Variants in NARS2 observed in about 807,000 individuals in gnomAD.
The protein encoded by NARS2 is asparaginyl-tRNA synthetase 2, mitochondrial, also known as asparaginyl-tRNA synthetase.
In NARS2, 60 loss-of-function variants were observed where a neutral mutation model predicts 62.9. That is an observed-to-expected ratio of 0.95 (90% CI 0.77 to 1.18). The LOEUF is 1.18. NARS2 is among the 50% of genes most tolerant of loss of function. The probability of loss-of-function intolerance (pLI) is 0.00; values close to 1 mark genes in which losing one functional copy is unlikely to be tolerated. For missense variants in NARS2, 619 were observed against 576.4 expected, an observed-to-expected ratio of 1.07 and a Z score of -0.76; for synonymous variants, 196 against 200.0, an observed-to-expected ratio of 0.98 and a Z score of 0.17.
chr11:78,510,468 T>C (rs1032543238), intron 6 of NARS2, among the ~76,000 whole-genome samples: 1 of 151,788 alleles, frequency 6.6e-6, no homozygotes, highest in South Asian at 2.1e-4. Flanking sequence ...CCATCAAATA[T>C]AAAGCAAAAA....
intron 9 of NARS2, among the ~76,000 whole-genome samples, chr11:78,475,522 A>G (rs1294560642): frequency 6.6e-6 from 1 of 151,438 alleles, no homozygotes; most frequent in Non-Finnish European, 1.5e-5. Context: ...CATTGCCACT[A>G]ACAGTTATAA....
intron 6 of NARS2, among the ~76,000 whole-genome samples, chr11:78,498,279 G>C (rs551682689): frequency 6.6e-6 from 1 of 152,170 alleles, no homozygotes; most frequent in South Asian, 2.1e-4. Context: ...AAATACCCTC[G>C]CCTCTTGAAA....
chr11:78,464,145 C>T (rs1368790685), intron 11 of NARS2, among the ~76,000 whole-genome samples: 2 of 151,940 alleles, frequency 1.3e-5, no homozygotes, highest in Admixed American at 1.3e-4. Context: ...CAGACCTTCG[C>T]GGTGAGTGTT....
At chr11:78,440,736 C>T (rs1462909215) in intron 13 of NARS2, among the ~76,000 whole-genome samples, 1 of 151,018 alleles carries the variant, frequency 6.6e-6, no homozygotes, top group Non-Finnish European at 1.5e-5. Flanking sequence ...TTTCACCATG[C>T]TGGCCAGGCT....
intron 10 of NARS2, among the ~76,000 whole-genome samples, chr11:78,468,310 G>GAAAAAAAAAAAAAAAAAAAAA (rs764254167): frequency 4.3e-4 from 29 of 67,408 alleles, no homozygotes; most frequent in African/African-American, 1.6e-3. Context: ...CACTAAATCT[G>GAAAAAAAAAAAAAAAAAAAAA]AAAAAAAAAA....
chr11:78,565,171 G>C (rs1201402591), intron 4 of NARS2, among the ~76,000 whole-genome samples: 1 of 152,218 alleles, frequency 6.6e-6, no homozygotes, highest in Non-Finnish European at 1.5e-5. Flanking sequence ...TTCCCAGGTA[G>C]AGGGAAATGG....
At chr11:78,566,626 G>C (rs1163224326) in intron 3 of NARS2, among the ~76,000 whole-genome samples, 1 of 152,158 alleles carries the variant, frequency 6.6e-6, no homozygotes, top group African/African-American at 2.4e-5. Context: ...TTGGCACACA[G>C]GAGTTCAAAA....
At chr11:78,504,269 A>T (rs1351761366) in intron 6 of NARS2, among the ~76,000 whole-genome samples, 1 of 152,192 alleles carries the variant, frequency 6.6e-6, no homozygotes, top group Non-Finnish European at 1.5e-5. Flanking sequence ...GAAACAAAAA[A>T]CAAGTCTCTA....
At chr11:78,508,680 C>T (rs12222907) in intron 6 of NARS2, among the ~76,000 whole-genome samples, 107,333 of 151,648 alleles carry the variant, frequency 0.71, 39,129 homozygotes, top group Non-Finnish European at 0.81. Flanking sequence ...TGTATAAACA[C>T]CCAAGAAGTT....
At chr11:78,481,588 C>G (rs1281069618) in intron 7 of NARS2, among the ~76,000 whole-genome samples, 1 of 151,992 alleles carries the variant, frequency 6.6e-6, no homozygotes, top group Non-Finnish European at 1.5e-5. Flanking sequence ...CTCTGGCTGC[C>G]CTAATCTTGA....
At chr11:78,502,218 C>A (rs1384904380) in intron 6 of NARS2, among the ~76,000 whole-genome samples, 1 of 152,166 alleles carries the variant, frequency 6.6e-6, no homozygotes, top group Non-Finnish European at 1.5e-5. Flanking sequence ...AACAAAATAT[C>A]ACAGACTGGG....
At chr11:78,533,564 G>A (rs1861558849) in intron 5 of NARS2, among the ~76,000 whole-genome samples, 1 of 152,128 alleles carries the variant, frequency 6.6e-6, no homozygotes, top group African/African-American at 2.4e-5. Flanking sequence ...CCTTTTGAGT[G>A]ACCAAAGTTT....
intron 5 of NARS2, among the ~76,000 whole-genome samples, chr11:78,533,807 C>A (rs923044186): frequency 6.6e-6 from 1 of 152,144 alleles, no homozygotes; most frequent in Non-Finnish European, 1.5e-5. Context: ...CCTAGTTATC[C>A]CTCCCTTTCC....
At chr11:78,479,316 C>G (rs994426520) in intron 7 of NARS2, among the ~76,000 whole-genome samples, 1 of 152,064 alleles carries the variant, frequency 6.6e-6, no homozygotes, top group Non-Finnish European at 1.5e-5. Context: ...CCAGCCTAGG[C>G]AACATGGCAA....
intron 5 of NARS2, among the ~76,000 whole-genome samples, 179 bp downstream of exon 5, chr11:78,559,360 T>C (rs1287448658): frequency 6.7e-6 from 1 of 149,982 alleles, no homozygotes; most frequent in Non-Finnish European, 1.5e-5. Flanking sequence ...ATAAGACTGC[T>C]GGTACTACAG....
intron 6 of NARS2, among the ~76,000 whole-genome samples, chr11:78,525,864 C>T (rs970355044): frequency 6.6e-6 from 1 of 152,112 alleles, no homozygotes; most frequent in Non-Finnish European, 1.5e-5. Flanking sequence ...ACGGGACAAG[C>T]CTTCGCCTCT....
At chr11:78,566,765 A>C (rs547819027) in intron 3 of NARS2, among the ~76,000 whole-genome samples, 181 of 152,356 alleles carry the variant, frequency 1.2e-3, no homozygotes, top group African/African-American at 3.8e-3. Flanking sequence ...TGCTACTTCC[A>C]TCTAGCAGAG....
At chr11:78,563,304 G>A (rs1226166889) in intron 4 of NARS2, among the ~76,000 whole-genome samples, 1 of 138,902 alleles carries the variant, frequency 7.2e-6, no homozygotes, top group Admixed American at 7.9e-5. Flanking sequence ...TGCAACCTCC[G>A]CCTCCCGGAT....
chr11:78,507,442 G>T (rs1860544295), intron 6 of NARS2, among the ~76,000 whole-genome samples: 1 of 151,688 alleles, frequency 6.6e-6, no homozygotes, highest in South Asian at 2.1e-4. Context: ...AAAACAGCAA[G>T]CCCTGGGGAA....
Sources: allele counts gnomAD v4.1 joint callset (sites outside exome capture counted in the v4.1 genomes callset), GRCh38; gene constraint gnomAD v4.1.1; transcripts MANE v1.5; gene names NCBI Gene and HGNC (gene_info 2026-07-23, HGNC 2026-07-21).